DZIP1: variants seen among roughly 807,000 people sequenced by gnomAD.
DZIP1 encodes the protein DAZ interacting zinc finger protein 1, also known as cilium assembly protein DZIP1.
DZIP1 carries 97 observed loss-of-function variants against 107.6 expected under a neutral mutation model. The observed-to-expected ratio is 0.90, with a 90% CI of 0.77 to 1.07. The LOEUF (loss-of-function observed/expected upper bound fraction) is 1.07, where lower values mean the gene tolerates loss of function less well. Among genes scored for constraint, DZIP1 ranks in the 50% least tolerant of loss-of-function variants. DZIP1 has a pLI of 0.00. For synonymous variants in DZIP1, 390 were observed against 386.4 expected (o/e 1.01, Z -0.11); for missense variants, 1,035 against 1,063.6 (o/e 0.97, Z 0.37).
In DZIP1 at chr13:95,638,804, G is replaced by C. The variant is rs1335634136; in HGVS notation, c.597+2491C>G. 4.6e-5 allele frequency among the ~76,000 whole-genome samples: 7 copies of C among 152,288 alleles called. No individual in the cohort carries two copies. In the East Asian group the frequency reaches 1.4e-3, roughly 29 times the overall value. Reference sequence around the variant, plus strand: ...GTTCTTATGATTTCTTAAAGCAAAGGGAGTAGAGACAAAGAGAAGTGGTAT... The same window carrying C: ...GTTCTTATGATTTCTTAAAGCAAAGCGAGTAGAGACAAAGAGAAGTGGTAT... On this transcript the variant is annotated intron_variant, in intron 5 of 22. Transcript: ENST00000376829.
chr13:95,630,713 C>T, intron 6 of DZIP1: 1 of 1,253,006 alleles, frequency 8.0e-7, no homozygotes. Context: ...CATGTACTTA[C>T]ATGCAGATGT....
chr13:95,609,433 C>A (rs1272449119), intron 13 of DZIP1, 24 bp downstream of exon 13: 1 of 1,477,638 alleles, frequency 6.8e-7, no homozygotes, highest in Non-Finnish European at 9.0e-7. Context: ...CCTTTGGAGC[C>A]CTGCATCTAT....
chr13:95,639,590 C>CA (rs34000481), intron 5 of DZIP1, among the ~76,000 whole-genome samples: 40,511 of 85,158 alleles, frequency 0.48, 8,210 homozygotes, highest in East Asian at 0.66. Flanking sequence ...GACTCCATCT[C>CA]AAAAAAAAAA....
chr13:95,599,046 C>T (rs1387201875), intron 15 of DZIP1, among the ~76,000 whole-genome samples: 1 of 152,102 alleles, frequency 6.6e-6, no homozygotes, highest in South Asian at 2.1e-4. Context: ...GTACACAACA[C>T]GTGTGTGTCT....
chr13:95,619,816 T>A, intron 10 of DZIP1, 69 bp downstream of exon 10: 4 of 1,484,624 alleles, frequency 2.7e-6, no homozygotes, highest in Non-Finnish European at 3.7e-6. Context: ...ATATTATGTT[T>A]ATTAAAAAGG....
intron 10 of DZIP1, among the ~76,000 whole-genome samples, chr13:95,612,737 A>C (rs2045053246): frequency 6.6e-6 from 1 of 152,002 alleles, no homozygotes. Context: ...GGCCCACACA[A>C]CCATACCTGG....
intron 5 of DZIP1, among the ~76,000 whole-genome samples, chr13:95,640,121 T>C (rs956085440): frequency 2.1e-4 from 32 of 152,100 alleles, no homozygotes; most frequent in African/African-American, 7.7e-4. Flanking sequence ...GCCTCCCAAG[T>C]AGCTGGGACT....
At position 95,622,417 on chromosome 13, in the gene DZIP1, C is replaced by T. The variant is rs1469543246; in HGVS notation, c.1036G>A (p.Ala346Thr). Residue 346 changes from alanine (A) to threonine (T), a missense_variant, in exon 9 of 23, where the codon GCA (alanine) becomes ACA (threonine). By Grantham distance (58) the Ala-to-Thr change is moderately conservative (BLOSUM62 0). Transcript: ENST00000376829. The part of the protein sequence containing the change: ...IKSNIGTLKD[A>T]HEFKEDRSPY... ...GAACGGTCTTCTTTAAACTCGTGTG[C>T]ATCTTTTAATGTGCCTATGTTGGAC... is the stretch of plus-strand genomic sequence containing the variant. 1 of 1,614,170 alleles carries T rather than the reference C, an allele frequency of 6.2e-7. No homozygotes were observed. Among genetic ancestry groups the T allele is most frequent in the Admixed American group, 1.7e-5 (1 of 60,024 alleles).
At chr13:95,630,387 C>A (rs572514214) in intron 6 of DZIP1, among the ~76,000 whole-genome samples, 33 of 152,164 alleles carry the variant, frequency 2.2e-4, no homozygotes, top group African/African-American at 7.2e-4. Flanking sequence ...CTTCAGGGAG[C>A]AATAATGGTA....
At position 95,582,140 on chromosome 13, in the gene DZIP1, A is replaced by C. The variant is rs1416029643; in HGVS notation, c.*94T>G. 2 of 1,193,498 alleles carry C rather than the reference A, an allele frequency of 1.7e-6. No homozygotes were observed. Among genetic ancestry groups the C allele is most frequent in the Non-Finnish European group, 2.5e-6 (2 of 803,502 alleles). The allele number at this position is 1,193,498 out of a possible 1,614,324, so 73.9% of individuals were successfully genotyped here. ...TCTGTGTTGCTGTGGGAAACACGGT[A>C]AGGCAGAAGCACTAGAATCATGGAG... On this transcript the variant is annotated 3_prime_UTR_variant, in exon 23 of 23. Coordinates refer to ENST00000376829, the MANE Select transcript of DZIP1 (RefSeq NM_198968.4).
intron 7 of DZIP1, among the ~76,000 whole-genome samples, chr13:95,625,302 G>C (rs1026349999): frequency 6.6e-6 from 1 of 152,176 alleles, no homozygotes; most frequent in Non-Finnish European, 1.5e-5. Flanking sequence ...TTTGGATAGT[G>C]TAACTTCATC....
intron 14 of DZIP1, among the ~76,000 whole-genome samples, chr13:95,605,591 G>T (rs2044748438): frequency 6.6e-6 from 1 of 152,144 alleles, no homozygotes. Context: ...TGTTTGTTTA[G>T]AAAAGGTGAC....
chr13:95,613,093 G>A (rs2045065729), intron 10 of DZIP1, among the ~76,000 whole-genome samples: 1 of 152,194 alleles, frequency 6.6e-6, no homozygotes, highest in Non-Finnish European at 1.5e-5. Context: ...TAGAGATAAT[G>A]TCATGGAAGA....
Position 95,606,122 on chromosome 13 carries a change from T to C in DZIP1, c.1421-63A>G, listed in dbSNP as rs369545934. 1.2e-5 allele frequency: 18 copies of C among 1,545,194 alleles called. No homozygotes were observed. The African/African-American group carries it at 2.0e-4, about 18-fold the overall frequency. ...TAATTAAAGCATAAGCATCCGAACA[T>C]GATGGTAGCCAAATATGCCGCAAAC... On this transcript the variant is annotated intron_variant, in intron 13 of 22. Coordinates refer to ENST00000376829, the MANE Select transcript of DZIP1 (RefSeq NM_198968.4).
At position 95,586,091 on chromosome 13, in the gene DZIP1, G is replaced by A. The variant is rs1566358421; in HGVS notation, c.2264C>T (p.Pro755Leu). Residue 755 changes from proline to leucine, a missense_variant, in exon 21 of 23, where the codon CCA (proline) becomes CTA (leucine). Coordinates refer to ENST00000376829, the MANE Select transcript of DZIP1 (RefSeq NM_198968.4). ...TPTEKVEKMF[P>L]HRKNVNKPVG... ...TGGTTTGTTCACATTTTTGCGATGT[G>A]GAAACATCTTTTCAACTTTTTCAGT... is the stretch of plus-strand genomic sequence containing the variant. 6.2e-7 allele frequency: 1 copy of A among 1,611,298 alleles called. No individual in the cohort carries two copies. Among genetic ancestry groups the A allele is most frequent in the Non-Finnish European group, 8.5e-7 (1 of 1,178,988 alleles).
intron 14 of DZIP1, among the ~76,000 whole-genome samples, chr13:95,602,588 G>A (rs556711858): frequency 3.7e-4 from 57 of 152,352 alleles, no homozygotes; most frequent in African/African-American, 7.7e-4. Context: ...GCGGAACACC[G>A]CTGGAGAAAC....
At chr13:95,606,791 GGAAAGAGGTT>G (rs1160840967) in intron 13 of DZIP1, among the ~76,000 whole-genome samples, 1 of 152,136 alleles carries the variant, frequency 6.6e-6, no homozygotes, top group Non-Finnish European at 1.5e-5. Context: ...CACAGCCTGT[GGAAAGAGGTT>G]TACCTAACTT....
intron 3 of DZIP1, 145 bp from the exon 4 acceptor site, chr13:95,642,386 T>C (rs1036187018): frequency 3.8e-6 from 1 of 261,462 alleles, no homozygotes; most frequent in African/African-American, 2.2e-5. Flanking sequence ...AAGGCAGGCG[T>C]GGGGAGCCAC....
intron 10 of DZIP1, among the ~76,000 whole-genome samples, chr13:95,618,401 T>A (rs1283957181): frequency 6.6e-6 from 1 of 152,182 alleles, no homozygotes; most frequent in African/African-American, 2.4e-5. Context: ...ATTGGGTGTA[T>A]GTCTGTGTAT....
Sources: allele counts gnomAD v4.1 joint callset (sites outside exome capture counted in the v4.1 genomes callset), GRCh38; gene constraint gnomAD v4.1.1; transcripts MANE v1.5; gene names NCBI Gene and HGNC (gene_info 2026-07-23, HGNC 2026-07-21).